Variants in DYNC2I2 observed in about 807,000 individuals in gnomAD.
DYNC2I2 encodes dynein 2 intermediate chain 2, also known as cytoplasmic dynein 2 intermediate chain 2.
DYNC2I2 carries 39 observed loss-of-function variants against 52.0 expected under a neutral mutation model. The ratio of observed to expected loss-of-function variants is 0.75; its 90% CI spans 0.58 to 0.98. The LOEUF is 0.98. DYNC2I2 is among the 50% of genes least tolerant of loss of function. The pLI is 0.00. For missense variants in DYNC2I2, 743 were observed against 728.4 expected, an observed-to-expected ratio of 1.02 and a Z score of -0.23; for synonymous variants, 359 against 321.1, an observed-to-expected ratio of 1.12 and a Z score of -1.26.
At chr9:128,658,412 G>A (rs1477707705), upstream of DYNC2I2, among the ~76,000 whole-genome samples, 1 of 151,994 alleles carries the variant, frequency 6.6e-6, no homozygotes, top group East Asian at 1.9e-4. Context: ...TGATCTGCCC[G>A]CCTCAGCCTG....
At chr9:128,669,803 C>T in the DYNC2I2 span, among the ~76,000 whole-genome samples, 1 of 152,112 alleles carries the variant, frequency 6.6e-6, no homozygotes, top group Non-Finnish European at 1.5e-5. Flanking sequence ...CTCAGCCTCC[C>T]TAGTAGCTGC....
At chr9:128,665,925 A>G in the DYNC2I2 span, among the ~76,000 whole-genome samples, 2 of 147,088 alleles carry the variant, frequency 1.4e-5, no homozygotes, top group Non-Finnish European at 3.0e-5. Flanking sequence ...AAAAAAAAAA[A>G]TTAGCCGGGC....
At chr9:128,644,570 C>A (rs766340971) in intron 1 of DYNC2I2, among the ~76,000 whole-genome samples, 9 of 152,180 alleles carry the variant, frequency 5.9e-5, no homozygotes, top group African/African-American at 2.2e-4. Flanking sequence ...TGAGCCACCG[C>A]ACCTGTCCAA....
At chr9:128,637,608 AATTTTTAT>A (rs1243938345) in intron 2 of DYNC2I2, among the ~76,000 whole-genome samples, 4 of 152,012 alleles carry the variant, frequency 2.6e-5, no homozygotes, top group Non-Finnish European at 4.4e-5. Context: ...AAACCTGGAT[AATTTTTAT>A]ATTTTTATCA....
chr9:128,663,828 A>G, the DYNC2I2 span, among the ~76,000 whole-genome samples: 1 of 145,086 alleles, frequency 6.9e-6, no homozygotes, highest in Admixed American at 7.0e-5. Context: ...AATTTTTTGT[A>G]TTTTTTGTAG....
chr9:128,679,874 A>G, the DYNC2I2 span, among the ~76,000 whole-genome samples: 2 of 152,036 alleles, frequency 1.3e-5, 1 homozygote, highest in Admixed American at 1.3e-4. Context: ...AGACACACAT[A>G]TATAAAATCT....
chr9:128,667,057 G>C, the DYNC2I2 span, among the ~76,000 whole-genome samples: 1 of 151,442 alleles, frequency 6.6e-6, no homozygotes, highest in South Asian at 2.1e-4. Flanking sequence ...AAATTGGCCA[G>C]GTGTGGTGGT....
chr9:128,635,704 C>G lies in DYNC2I2; in HGVS notation c.767G>C (p.Trp256Ser), dbSNP rs775555370. 3.1e-6 allele frequency: 5 copies of G among 1,612,868 alleles called. No homozygotes were observed. In the African/African-American group the frequency reaches 5.3e-5, roughly 17 times the overall value. ...DLSRLEDPLL[W>S]RTGLTDDTHT... Reference sequence around the variant, plus strand: ...GGTGTCATCCGTCAGGCCTGTGCGCCACAGCAGCGGGTCCTCAAGACGGCT... The same window carrying G: ...GGTGTCATCCGTCAGGCCTGTGCGCGACAGCAGCGGGTCCTCAAGACGGCT... Residue 256 changes from tryptophan to serine, a missense_variant, in exon 5 of 9, where the codon TGG (tryptophan) becomes TCG (serine). By Grantham distance (177) the Trp-to-Ser change is radical. Transcript: ENST00000372715.
chr9:128,635,531 G>C, intron 5 of DYNC2I2, 127 bp downstream of exon 5: 2 of 911,996 alleles, frequency 2.2e-6, no homozygotes, highest in Non-Finnish European at 1.7e-6. Context: ...CTCATGCTGC[G>C]GGAGCTCCGA....
the DYNC2I2 span, chr9:128,684,053 A>G: frequency 7.0e-7 from 1 of 1,427,474 alleles, no homozygotes; most frequent in Non-Finnish European, 9.7e-7. Flanking sequence ...GGGATTTGCA[A>G]GGATTGACTC....
At chr9:128,639,408 A>T (rs767903088) in intron 2 of DYNC2I2, among the ~76,000 whole-genome samples, 1 of 151,868 alleles carries the variant, frequency 6.6e-6, no homozygotes, top group Non-Finnish European at 1.5e-5. Flanking sequence ...AAAAAAATAA[A>T]AAAAAAAGAA....
chr9:128,657,378 CTTA>C (rs1408780688), upstream of DYNC2I2, among the ~76,000 whole-genome samples: 6 of 152,068 alleles, frequency 3.9e-5, no homozygotes, highest in Non-Finnish European at 8.8e-5. Flanking sequence ...ACGTCTCTTT[CTTA>C]TTAAGTTCTC....
At chr9:128,643,942 A>G (rs747366370) in intron 1 of DYNC2I2, among the ~76,000 whole-genome samples, 1 of 152,192 alleles carries the variant, frequency 6.6e-6, no homozygotes, top group Admixed American at 6.6e-5. Flanking sequence ...TTGAAGCCCC[A>G]GAGCTGGAGG....
chr9:128,657,509 A>G (rs929263335), upstream of DYNC2I2, among the ~76,000 whole-genome samples: 1 of 152,066 alleles, frequency 6.6e-6, no homozygotes, highest in Non-Finnish European at 1.5e-5. Flanking sequence ...AAAAATAAAG[A>G]ATAAACAAAT....
rs565419123 is a variant in DYNC2I2 at position 128,645,024 on chromosome 9, G to T, written c.187-4085C>A. Among the ~76,000 whole-genome samples the T allele has an allele frequency of 5.7e-4, 86 of 152,140 alleles. 2 individuals carry two copies. The highest frequency in any genetic ancestry group is 2.0e-3 in the African/African-American group (84 of 41,518). On this transcript the variant is annotated intron_variant, in intron 1 of 8. Coordinates refer to ENST00000372715, the MANE Select transcript of DYNC2I2 (RefSeq NM_052844.4). Reference sequence around the variant, plus strand: ...TGCCTGTCTCTCTCTCTCTCCTTGGGCCTCCCTATTCCGAGACAAGACAAT... The same window carrying T: ...TGCCTGTCTCTCTCTCTCTCCTTGGTCCTCCCTATTCCGAGACAAGACAAT...
At chr9:128,679,212 ATTCTC>A in the DYNC2I2 span, among the ~76,000 whole-genome samples, 1 of 152,186 alleles carries the variant, frequency 6.6e-6, no homozygotes, top group Admixed American at 6.6e-5. Flanking sequence ...GAACGTGGTT[ATTCTC>A]TTCATGATCT....
At chr9:128,663,649 C>CTTTTTTT in the DYNC2I2 span, 1 of 77,124 alleles carries the variant, frequency 1.3e-5, no homozygotes, top group African/African-American at 4.2e-5. Flanking sequence ...TAGTTTTTTT[C>CTTTTTTT]TTTTTTTTTT....
the DYNC2I2 span, among the ~76,000 whole-genome samples, chr9:128,677,729 C>G: frequency 6.6e-6 from 1 of 151,964 alleles, no homozygotes; most frequent in Non-Finnish European, 1.5e-5. Context: ...ATCGGTTGAA[C>G]CCAGGAGGCA....
chr9:128,646,131 C>T (rs1287267494), intron 1 of DYNC2I2, among the ~76,000 whole-genome samples: 2 of 152,172 alleles, frequency 1.3e-5, no homozygotes, highest in Non-Finnish European at 2.9e-5. Context: ...CTGGAGAAGC[C>T]GGAGCAAGTT....
Sources: gnomAD v4.1 joint callset for allele counts (sites outside exome capture counted in the v4.1 genomes callset) on GRCh38, gnomAD v4.1.1 for gene constraint, MANE v1.5 for transcripts, NCBI Gene and HGNC (gene_info 2026-07-23, HGNC 2026-07-21) for gene names.